Variants in PEX2 observed in about 807,000 individuals in gnomAD.
The protein encoded by PEX2 is peroxisomal biogenesis factor 2, also known as peroxisome biogenesis factor 2.
PEX2 carries 19 observed loss-of-function variants against 25.2 expected under a neutral mutation model. That is an observed-to-expected ratio of 0.75 (90% CI 0.53 to 1.10). PEX2 has a LOEUF of 1.10. PEX2 is among the 50% of genes least tolerant of loss of function. The pLI, the probability that PEX2 is intolerant of heterozygous loss-of-function variation, is 0.00. For missense variants in PEX2, 347 were observed against 350.6 expected (o/e 0.99, Z 0.08); for synonymous variants, 141 against 127.7 (o/e 1.10, Z -0.70).
chr8:76,994,437 G>A (rs1008671687), intron 1 of PEX2, among the ~76,000 whole-genome samples: 5 of 152,034 alleles, frequency 3.3e-5, no homozygotes, highest in South Asian at 2.1e-4. Flanking sequence ...CAATATTAAC[G>A]TAATTATGAT....
intron 3 of PEX2, among the ~76,000 whole-genome samples, chr8:76,985,028 C>T (rs1005587450): frequency 9.9e-5 from 15 of 151,938 alleles, no homozygotes; most frequent in Non-Finnish European, 2.1e-4. Flanking sequence ...TAGCTAGGTA[C>T]AGCTTACTGA....
At chr8:76,984,616 A>G (rs1252824798) in intron 3 of PEX2, among the ~76,000 whole-genome samples, 1 of 152,184 alleles carries the variant, frequency 6.6e-6, no homozygotes, top group Admixed American at 6.5e-5. Context: ...TAATAAATAC[A>G]ACAACTATAT....
At chr8:76,998,069 CAA>C (rs1807389150) in intron 1 of PEX2, among the ~76,000 whole-genome samples, 1 of 152,134 alleles carries the variant, frequency 6.6e-6, no homozygotes, top group African/African-American at 2.4e-5. Flanking sequence ...CTCAGATCAT[CAA>C]AAGAGGAAAA....
At chr8:76,991,757 A>G (rs186848518) in intron 1 of PEX2, among the ~76,000 whole-genome samples, 296 of 152,338 alleles carry the variant, frequency 1.9e-3, no homozygotes, top group African/African-American at 7.0e-3. Flanking sequence ...GATCTTAAAA[A>G]ACTTCATTAG....
At chr8:76,996,618 AT>A (rs1807341466) in intron 1 of PEX2, among the ~76,000 whole-genome samples, 1 of 152,232 alleles carries the variant, frequency 6.6e-6, no homozygotes, top group Admixed American at 6.5e-5. Flanking sequence ...TTAGAATCTA[AT>A]TGCTTAAGAA....
At position 76,984,146 on chromosome 8, in the gene PEX2, T is replaced by G; in HGVS notation, c.33A>C (p.Ala11=). MASRKENAKS[A]NRVLRISQLD... is the part of the protein sequence containing the mutation. Reference sequence around the variant, plus strand: ...ACTGGCTTATTCTTAGCACTCTGTTTGCACTCTTCGCATTCTCTTTTCTGG... The same window carrying G: ...ACTGGCTTATTCTTAGCACTCTGTTGGCACTCTTCGCATTCTCTTTTCTGG... Residue 11 remains alanine, a synonymous_variant, in exon 4 of 4, where the codon GCA becomes GCC. Coordinates refer to ENST00000357039, the MANE Select transcript of PEX2 (RefSeq NM_000318.3). The G allele has an allele frequency of 6.2e-7, 1 of 1,614,190 alleles. No individual in the cohort carries two copies. The highest frequency in any genetic ancestry group is 8.5e-7 in the Non-Finnish European group (1 of 1,180,020).
At chr8:76,987,556 T>C (rs1260368335) in intron 2 of PEX2, among the ~76,000 whole-genome samples, 1 of 152,086 alleles carries the variant, frequency 6.6e-6, no homozygotes, top group Non-Finnish European at 1.5e-5. Context: ...ACTAGTAAGA[T>C]TTACATTTTA....
intron 1 of PEX2, among the ~76,000 whole-genome samples, chr8:76,996,954 C>A (rs1040961511): frequency 6.6e-6 from 1 of 152,092 alleles, no homozygotes; most frequent in East Asian, 1.9e-4. Context: ...GTAGAACATA[C>A]AAAATACACT....
chr8:76,995,894 A>C (rs990247558), intron 1 of PEX2, among the ~76,000 whole-genome samples: 2 of 146,036 alleles, frequency 1.4e-5, no homozygotes, highest in African/African-American at 5.1e-5. Context: ...ATTTTATTAC[A>C]CTATACTCTT....
chr8:76,983,759 A>G lies in PEX2; in HGVS notation c.420T>C (p.Asn140=). ...CTAATTTCAAAAGTCCAATCACAAA[A>G]TTCACACACTGCTTGACTTTCCCAA... ...ASFGKVKQCV[N]FVIGLLKLGG... The change falls in exon 4 of 4, where the codon AAT becomes AAC. Residue 140 remains asparagine, a synonymous_variant. Coordinates refer to ENST00000357039, the MANE Select transcript of PEX2 (RefSeq NM_000318.3). The G allele has an allele frequency of 1.9e-6, 3 of 1,614,060 alleles. No individual in the cohort carries two copies. The highest frequency in any genetic ancestry group is 2.2e-5 in the South Asian group (2 of 91,080).
intron 1 of PEX2, among the ~76,000 whole-genome samples, chr8:76,992,205 GA>G (rs774101899): frequency 6.6e-6 from 1 of 152,156 alleles, no homozygotes; most frequent in Non-Finnish European, 1.5e-5. Context: ...TGTGGATAGA[GA>G]AAAGAGATGG....
At chr8:77,000,821 G>T (rs1807492947), upstream of PEX2, 1 of 152,382 alleles carries the variant, frequency 6.6e-6, no homozygotes, top group South Asian at 2.1e-4. Context: ...CAGCCAGCTC[G>T]CCTACCCCTG....
At chr8:76,987,824 T>A (rs1455737374) in intron 2 of PEX2, 1 of 152,158 alleles carries the variant, frequency 6.6e-6, no homozygotes. Flanking sequence ...TCCAAGTCCC[T>A]GAAACAAGAA....
chr8:76,996,545 C>T (rs1807338937), intron 1 of PEX2, among the ~76,000 whole-genome samples: 1 of 152,178 alleles, frequency 6.6e-6, no homozygotes, highest in South Asian at 2.1e-4. Flanking sequence ...ATGAACAGGA[C>T]ACACATGAAA....
chr8:76,992,403 C>T (rs1024858710), intron 1 of PEX2, among the ~76,000 whole-genome samples: 2 of 152,188 alleles, frequency 1.3e-5, no homozygotes, highest in African/African-American at 4.8e-5. Flanking sequence ...CAGCATATTA[C>T]ATTCAGTTCT....
chr8:76,995,331 C>A (rs1807292001), intron 1 of PEX2, among the ~76,000 whole-genome samples: 1 of 152,176 alleles, frequency 6.6e-6, no homozygotes, highest in Non-Finnish European at 1.5e-5. Flanking sequence ...CTTCAATGAA[C>A]ATTGCCTCAT....
At chr8:76,998,514 T>A (rs1038719811) in intron 1 of PEX2, among the ~76,000 whole-genome samples, 2 of 152,216 alleles carry the variant, frequency 1.3e-5, no homozygotes, top group Non-Finnish European at 2.9e-5. Context: ...TAGAAATAAA[T>A]TAGCTGTGAA....
Position 76,982,922 on chromosome 8 carries a change from C to T in PEX2, c.*339G>A. The stretch of plus-strand genomic sequence containing the variant: ...TCTGAAAATAAATGCACACTCATCC[C>T]AGAGTCTCCAAAATCTTTATCTTTA... On this transcript the variant is annotated 3_prime_UTR_variant, in exon 4 of 4. Transcript: ENST00000357039. 1 of 349,552 alleles carries T rather than the reference C, an allele frequency of 2.9e-6. No individual in the cohort carries two copies. Among genetic ancestry groups the T allele is most frequent in the Non-Finnish European group, 5.1e-6 (1 of 195,100 alleles). The allele number at this position is 349,552 out of a possible 1,614,324, so 21.7% of individuals were successfully genotyped here. A position where few individuals can be genotyped will look rare whatever the true frequency, so the allele number is the denominator to read the frequency against.
rs1303748041 is a variant in PEX2 at position 76,981,652 on chromosome 8, T to G, written c.*1609A>C. ...ACATAGGAAAAAATGCTATTTTTTA[T>G]GCATTATAATAATTTTGTAAATAAG... On this transcript the variant is annotated 3_prime_UTR_variant, in exon 4 of 4. Transcript: ENST00000357039. 1 of 152,316 alleles carries G rather than the reference T, an allele frequency of 6.6e-6. No individual in the cohort carries two copies. Among genetic ancestry groups the G allele is most frequent in the Admixed American group, 6.5e-5 (1 of 15,288 alleles). 9.4% of individuals were successfully genotyped at this position (152,316 alleles called of 1,614,324 possible).
Sources: allele counts gnomAD v4.1 joint callset (sites outside exome capture counted in the v4.1 genomes callset), GRCh38; gene constraint gnomAD v4.1.1; transcripts MANE v1.5; gene names NCBI Gene and HGNC (gene_info 2026-07-23, HGNC 2026-07-21).